Variants in SRCAP observed in about 807,000 individuals in gnomAD.
The protein encoded by SRCAP is chromatin remodeling protein SRCAP.
Under a neutral mutation model 263.1 loss-of-function variants are expected in SRCAP, and 46 were observed. The observed-to-expected ratio is 0.17, with a 90% CI of 0.14 to 0.22. SRCAP has a LOEUF of 0.22. Among genes scored for constraint, SRCAP ranks in the 10% least tolerant of loss-of-function variants. The pLI is 1.00. For synonymous variants in SRCAP, 1,813 were observed against 1,662.1 expected (o/e 1.09, Z -2.21); for missense variants, 3,695 against 4,181.9 (o/e 0.88, Z 3.21).
At chr16:30,725,267 T>G (rs2053053309) in intron 25 of SRCAP, 185 bp downstream of exon 25, 1 of 1,260,442 alleles carries the variant, frequency 7.9e-7, no homozygotes, top group East Asian at 2.7e-5. Context: ...ATGATCCGCC[T>G]GCCTCAGCCT....
In SRCAP at chr16:30,712,250, C is replaced by T. The variant is rs781673532; in HGVS notation, c.1816-12C>T. 6 of 1,592,526 alleles carry T rather than the reference C, an allele frequency of 3.8e-6. No individual in the cohort carries two copies. The highest frequency in any genetic ancestry group is 2.7e-5 in the African/African-American group (2 of 74,124). Reference sequence around the variant, plus strand: ...CATTTCCATTGTGTTACCTATATTTCCTCTCTGACAGGTAAAGACGCCCAT... The same window carrying T: ...CATTTCCATTGTGTTACCTATATTTTCTCTCTGACAGGTAAAGACGCCCAT... On this transcript the variant is annotated splice_polypyrimidine_tract_variant and intron_variant, in intron 12 of 33. Transcript: ENST00000262518.
rs1271465582 is a variant in SRCAP at position 30,723,568 on chromosome 16, T to C, written c.4160-16T>C. 2 of 1,602,586 alleles carry C rather than the reference T, an allele frequency of 1.2e-6. No individual in the cohort carries two copies. Among genetic ancestry groups the C allele is most frequent in the East Asian group, 2.2e-5 (1 of 44,754 alleles). ...GGAAAAGAATTCTGGGGCTAACTCATCCTCTCTCTCCACAGCTTCAGCCCC... is the reference window on the plus strand; with the variant it reads ...GGAAAAGAATTCTGGGGCTAACTCACCCTCTCTCTCCACAGCTTCAGCCCC... On this transcript the variant is annotated splice_polypyrimidine_tract_variant and intron_variant, in intron 24 of 33. Coordinates refer to ENST00000262518, the MANE Select transcript of SRCAP (RefSeq NM_006662.3).
At position 30,700,697 on chromosome 16, in the gene SRCAP, C is replaced by A. The variant is rs369654583; in HGVS notation, c.-128C>A. On this transcript the variant is annotated 5_prime_UTR_variant, in exon 3 of 34. Coordinates refer to ENST00000262518, the MANE Select transcript of SRCAP (RefSeq NM_006662.3). Reference sequence around the variant, plus strand: ...GCCCTGGAAGGCGGGTCCCGGTGGCCGGTGGCCCAGAATGAGGCCAGCTCC... The same window carrying A: ...GCCCTGGAAGGCGGGTCCCGGTGGCAGGTGGCCCAGAATGAGGCCAGCTCC... 8.0e-6 allele frequency: 7 copies of A among 873,358 alleles called. No homozygotes were observed. Among genetic ancestry groups the A allele is most frequent in the Non-Finnish European group, 1.0e-5 (6 of 577,178 alleles). The allele number at this position is 873,358 out of a possible 1,614,324, so 54.1% of individuals were successfully genotyped here.
At chr16:30,700,899 C>A (rs762850566) in intron 3 of SRCAP, 21 bp downstream of exon 3, 1 of 1,612,976 alleles carries the variant, frequency 6.2e-7, no homozygotes, top group Non-Finnish European at 8.5e-7. Context: ...GGGAAGAGTT[C>A]CTTCTCTGCT....
intron 4 of SRCAP, among the ~76,000 whole-genome samples, chr16:30,705,302 A>G (rs906978323): frequency 6.6e-6 from 1 of 152,246 alleles, no homozygotes; most frequent in Non-Finnish European, 1.5e-5. Flanking sequence ...TGTCTCAAAA[A>G]AAAATGCAAA....
At position 30,739,327 on chromosome 16, in the gene SRCAP, TA is replaced by T; in HGVS notation, c.9288del (p.Ala3097GlnfsTer10). The T allele has an allele frequency of 6.2e-7, 1 of 1,614,152 alleles. No homozygotes were observed. The highest frequency in any genetic ancestry group is 8.5e-7 in the Non-Finnish European group (1 of 1,180,012). ...GCTGTAATTCAGGATGACCTGGACT[TA>T]GCAGATAGCGGGCCAGGCGGGTTGG... The part of the protein sequence containing the change: ...VVAVIQDDLD[L>X]ADSGPGGLEL... On this transcript the variant is annotated frameshift_variant, in exon 34 of 34. Transcript: ENST00000262518.
intron 27 of SRCAP, among the ~76,000 whole-genome samples, chr16:30,732,370 G>A (rs1158608778): frequency 6.6e-6 from 1 of 151,356 alleles, no homozygotes; most frequent in Non-Finnish European, 1.5e-5. Flanking sequence ...AAAATTGCTT[G>A]AATCCAGGAG....
At chr16:30,718,938 C>T (rs2052981409) in intron 18 of SRCAP, among the ~76,000 whole-genome samples, 2 of 151,364 alleles carry the variant, frequency 1.3e-5, no homozygotes, top group African/African-American at 4.9e-5. Flanking sequence ...ACTCTGTCAC[C>T]CAGGCTGGAG....
intron 31 of SRCAP, among the ~76,000 whole-genome samples, chr16:30,735,693 G>C (rs1305525209): frequency 6.9e-6 from 1 of 145,736 alleles, no homozygotes; most frequent in East Asian, 2.0e-4. Context: ...TGATTCTCCT[G>C]CCTCAGCCTC....
chr16:30,731,523 T>G (rs1481187677), intron 27 of SRCAP, among the ~76,000 whole-genome samples: 2 of 152,196 alleles, frequency 1.3e-5, no homozygotes, highest in Admixed American at 1.3e-4. Flanking sequence ...AAAAAGTGTT[T>G]TTGTTACATT....
chr16:30,738,548 T>C lies in SRCAP; in HGVS notation c.8508T>C (p.Thr2836=). 1 of 1,611,554 alleles carries C rather than the reference T, an allele frequency of 6.2e-7. No individual in the cohort carries two copies. Among genetic ancestry groups the C allele is most frequent in the Non-Finnish European group, 8.5e-7 (1 of 1,178,714 alleles). ...IARRHIELGV[T]GGGSPENGDG... is the part of the protein sequence containing the mutation. ...GCCGTCACATTGAGCTGGGGGTGAC[T>C]GGTGGTGGCAGCCCCGAGAATGGAG... The change falls in exon 34 of 34, where the codon ACT becomes ACC. Residue 2836 remains threonine, a synonymous_variant. Transcript: ENST00000262518.
rs1171847017 is a variant in SRCAP, at chr16:30,734,478, C to G, written c.6610-18C>G. 4 of 1,613,666 alleles carry G rather than the reference C, an allele frequency of 2.5e-6. No individual in the cohort carries two copies. The highest frequency in any genetic ancestry group is 3.3e-5 in the Admixed American group (2 of 59,848). Reference sequence around the variant, plus strand: ...GCATTCTGTTGACTCTGACACTTCCCTCTGTTCTATCCGATAGCAGACCAT... The same window carrying G: ...GCATTCTGTTGACTCTGACACTTCCGTCTGTTCTATCCGATAGCAGACCAT... On this transcript the variant is annotated intron_variant, in intron 30 of 33. Transcript: ENST00000262518.
chr16:30,734,066 C>A, intron 30 of SRCAP, 58 bp downstream of exon 30: 1 of 1,416,682 alleles, frequency 7.1e-7, no homozygotes, highest in Non-Finnish European at 9.7e-7. Flanking sequence ...TTCAGGAGTT[C>A]CTCCTGTTTA....
Position 30,741,328 on chromosome 16 carries a change from A to C in SRCAP, c.*1595A>C, listed in dbSNP as rs538377567. On this transcript the variant is annotated 3_prime_UTR_variant, in exon 34 of 34. Coordinates refer to ENST00000262518, the MANE Select transcript of SRCAP (RefSeq NM_006662.3). Reference sequence around the variant, plus strand: ...AGGGTCCTGCTCTCTGACATCTATAATACTCAGGGGGCAGCCTCTTGGGAA... The same window carrying C: ...AGGGTCCTGCTCTCTGACATCTATACTACTCAGGGGGCAGCCTCTTGGGAA... 1 of 158,034 alleles carries C rather than the reference A, an allele frequency of 6.3e-6. No individual in the cohort carries two copies. The highest frequency in any genetic ancestry group is 2.4e-5 in the African/African-American group (1 of 41,604). 9.8% of individuals were successfully genotyped at this position (158,034 alleles called of 1,614,324 possible).
At chr16:30,718,453 A>C (rs1321138060) in intron 18 of SRCAP, among the ~76,000 whole-genome samples, 1 of 149,582 alleles carries the variant, frequency 6.7e-6, no homozygotes, top group Non-Finnish European at 1.5e-5. Flanking sequence ...CTGGGATTAC[A>C]GGTGTGAGCC....
At chr16:30,705,613 A>G (rs1056401190) in intron 4 of SRCAP, among the ~76,000 whole-genome samples, 3 of 151,200 alleles carry the variant, frequency 2.0e-5, no homozygotes, top group Non-Finnish European at 4.4e-5. Context: ...TGTTGGCGGG[A>G]TGGTCTTGAT....
rs548802121 is a variant in SRCAP, at chr16:30,720,075, T to A, written c.2818-87T>A. On this transcript the variant is annotated intron_variant, in intron 18 of 33. Coordinates refer to ENST00000262518, the MANE Select transcript of SRCAP (RefSeq NM_006662.3). The stretch of plus-strand genomic sequence containing the variant: ...GTTTTCTGTTTCTGTGTTAATTCAC[T>A]TAAGGATAATGGCCTCCAGCTACAT... 38 of 1,452,530 alleles carry A rather than the reference T, an allele frequency of 2.6e-5. No individual in the cohort carries two copies. In the East Asian group the frequency reaches 8.5e-4, roughly 33 times the overall value. The allele number at this position is 1,452,530 out of a possible 1,614,324, so 90.0% of individuals were successfully genotyped here.
chr16:30,721,046 T>A, intron 20 of SRCAP, 68 bp downstream of exon 20: 1 of 1,546,854 alleles, frequency 6.5e-7, no homozygotes. Context: ...GAGGAGGAAG[T>A]AGTGAAATTA....
intron 30 of SRCAP, 157 bp from the exon 31 acceptor site, chr16:30,734,339 C>T (rs2053139428): frequency 1.1e-5 from 13 of 1,181,588 alleles, no homozygotes; most frequent in Non-Finnish European, 1.5e-5. Context: ...AAAACCGTCT[C>T]AAAAAAGAAA....
Sources: gnomAD v4.1 joint callset for allele counts (sites outside exome capture counted in the v4.1 genomes callset) on GRCh38, gnomAD v4.1.1 for gene constraint, MANE v1.5 for transcripts, NCBI Gene and HGNC (gene_info 2026-07-23, HGNC 2026-07-21) for gene names.